Variants in FGGY observed in about 807,000 individuals in gnomAD.
FGGY encodes FGGY carbohydrate kinase domain-containing protein.
FGGY carries 72 observed loss-of-function variants against 71.3 expected under a neutral mutation model. That is an observed-to-expected ratio of 1.01 (90% CI 0.84 to 1.23). FGGY has a LOEUF of 1.23. FGGY is among the 50% of genes most tolerant of loss of function. The pLI is 0.00. For missense variants in FGGY, 668 were observed against 682.3 expected, an observed-to-expected ratio of 0.98 and a Z score of 0.23; for synonymous variants, 251 against 250.3, an observed-to-expected ratio of 1.00 and a Z score of -0.02.
At chr1:59,331,637 G>A (rs1030439275) in intron 2 of FGGY, among the ~76,000 whole-genome samples, 1 of 151,990 alleles carries the variant, frequency 6.6e-6, no homozygotes, top group Non-Finnish European at 1.5e-5. Context: ...TCTACACTAT[G>A]TAATTTATTT....
chr1:59,308,262 A>G lies in FGGY; in HGVS notation c.-15+11112A>G, dbSNP rs953071202. On this transcript the variant is annotated intron_variant, in intron 1 of 15. Coordinates refer to ENST00000303721, the MANE Select transcript of FGGY (RefSeq NM_018291.5). ...CATGAGAGTCATCTTAAAACATTTG[A>G]AAGGGTAGCCCATGTATAAGGGTAA... Among the ~76,000 whole-genome samples, 2 of 152,320 alleles carry G rather than the reference A, an allele frequency of 1.3e-5. 1 individual carries two copies. Among genetic ancestry groups the G allele is most frequent in the Middle Eastern group, 6.8e-3 (2 of 294 alleles).
At chr1:59,535,550 C>A (rs2095290841) in intron 7 of FGGY, among the ~76,000 whole-genome samples, 4 of 152,080 alleles carry the variant, frequency 2.6e-5, no homozygotes, top group Non-Finnish European at 5.9e-5. Context: ...CACCACACCA[C>A]ACCTATTCCA....
chr1:59,379,162 A>AACACACACACACACACACAC (rs55986439), intron 5 of FGGY, among the ~76,000 whole-genome samples: 6,974 of 142,748 alleles, frequency 0.049, 224 homozygotes, highest in Admixed American at 0.095. Flanking sequence ...GGAAAAAATA[A>AACACACACACACACACACAC]ACACACACAC....
chr1:59,584,968 T>A (rs1167451419), intron 8 of FGGY, among the ~76,000 whole-genome samples: 2 of 151,974 alleles, frequency 1.3e-5, no homozygotes, highest in African/African-American at 2.4e-5. Flanking sequence ...ACAAGGGACG[T>A]GAAGGACCTC....
intron 6 of FGGY, among the ~76,000 whole-genome samples, chr1:59,463,980 C>T (rs1236194934): frequency 6.6e-6 from 1 of 152,132 alleles, no homozygotes; most frequent in African/African-American, 2.4e-5. Flanking sequence ...AACAAGGATA[C>T]CCAGGACTTG....
intron 14 of FGGY, among the ~76,000 whole-genome samples, chr1:59,756,985 C>A (rs1344729874): frequency 6.6e-6 from 1 of 150,670 alleles, no homozygotes; most frequent in Non-Finnish European, 1.5e-5. Flanking sequence ...AAATCTGTAT[C>A]CCTAGCAGAG....
chr1:59,587,964 T>C (rs2096342586), intron 8 of FGGY, among the ~76,000 whole-genome samples: 1 of 152,128 alleles, frequency 6.6e-6, no homozygotes, highest in Non-Finnish European at 1.5e-5. Context: ...TTTGACGAGT[T>C]GAGAGAAGGC....
At chr1:59,675,487 GA>G (rs2097427203) in intron 14 of FGGY, among the ~76,000 whole-genome samples, 1 of 152,174 alleles carries the variant, frequency 6.6e-6, no homozygotes, top group African/African-American at 2.4e-5. Context: ...CCAAGCCTCT[GA>G]AACTAATGAC....
intron 8 of FGGY, among the ~76,000 whole-genome samples, chr1:59,591,577 G>A (rs1235046183): frequency 6.6e-6 from 1 of 152,166 alleles, no homozygotes; most frequent in African/African-American, 2.4e-5. Flanking sequence ...CATGGTACTG[G>A]TAACAAAACA....
intron 8 of FGGY, among the ~76,000 whole-genome samples, chr1:59,577,231 C>A (rs542024313): frequency 6.6e-6 from 1 of 152,084 alleles, no homozygotes; most frequent in African/African-American, 2.4e-5. Context: ...TAGACTTTGC[C>A]CCTAAAGATT....
intron 8 of FGGY, among the ~76,000 whole-genome samples, chr1:59,590,227 G>A (rs1211625829): frequency 1.3e-5 from 2 of 152,084 alleles, no homozygotes; most frequent in African/African-American, 4.8e-5. Flanking sequence ...ACCCTCCCAA[G>A]CCTAAACCAA....
At chr1:59,380,607 T>C (rs1315706321) in intron 5 of FGGY, among the ~76,000 whole-genome samples, 2 of 151,638 alleles carry the variant, frequency 1.3e-5, no homozygotes, top group Non-Finnish European at 2.9e-5. Context: ...TTGAGAAGTG[T>C]CTGTTCATAT....
At chr1:59,640,115 G>A (rs1044321564) in intron 11 of FGGY, among the ~76,000 whole-genome samples, 6 of 152,116 alleles carry the variant, frequency 3.9e-5, no homozygotes, top group African/African-American at 1.4e-4. Context: ...TTGTATGTTT[G>A]TTCACATACC....
chr1:59,734,777 A>AGG (rs2098085671), intron 14 of FGGY, among the ~76,000 whole-genome samples: 1 of 151,962 alleles, frequency 6.6e-6, no homozygotes, highest in South Asian at 2.1e-4. Flanking sequence ...CCACAGAGAG[A>AGG]GGAAGGCCTC....
At chr1:59,614,510 GAGCTAT>G (rs1333288725) in intron 9 of FGGY, among the ~76,000 whole-genome samples, 4 of 152,128 alleles carry the variant, frequency 2.6e-5, no homozygotes, top group Non-Finnish European at 4.4e-5. Flanking sequence ...AAAATAGTAA[GAGCTAT>G]CTATGACAAA....
intron 6 of FGGY, among the ~76,000 whole-genome samples, chr1:59,505,413 G>T (rs1242206061): frequency 6.6e-6 from 1 of 152,186 alleles, no homozygotes; most frequent in African/African-American, 2.4e-5. Context: ...TGTAGGTTCA[G>T]TCTGAAAGGA....
At chr1:59,376,033 C>T (rs1371434246) in intron 4 of FGGY, among the ~76,000 whole-genome samples, 2 of 151,914 alleles carry the variant, frequency 1.3e-5, no homozygotes, top group African/African-American at 4.8e-5. Flanking sequence ...TTCTCCTCTC[C>T]CTGACCACTG....
intron 4 of FGGY, among the ~76,000 whole-genome samples, chr1:59,361,530 A>G (rs1422271683): frequency 6.6e-6 from 1 of 152,192 alleles, no homozygotes; most frequent in East Asian, 1.9e-4. Context: ...GGGGCTGCAA[A>G]TGCAGTATAG....
chr1:59,476,883 G>A (rs768918890), intron 6 of FGGY, among the ~76,000 whole-genome samples: 3 of 152,346 alleles, frequency 2.0e-5, no homozygotes, highest in Middle Eastern at 3.4e-3. Flanking sequence ...GGCTGAAGAT[G>A]TGACTGTCCA....
Sources: gnomAD v4.1 joint callset for allele counts (sites outside exome capture counted in the v4.1 genomes callset) on GRCh38, gnomAD v4.1.1 for gene constraint, MANE v1.5 for transcripts, NCBI Gene and HGNC (gene_info 2026-07-23, HGNC 2026-07-21) for gene names.